Variants in ZNF649 observed in about 807,000 individuals in gnomAD.
ZNF649 encodes zinc finger protein 649.
In ZNF649, 7 loss-of-function variants were observed where a neutral mutation model predicts 14.1. That is an observed-to-expected ratio of 0.49 (90% CI 0.28 to 0.93). The LOEUF is 0.93. ZNF649 is among the 40% of genes least tolerant of loss of function. ZNF649 has a pLI of 0.10. For synonymous variants in ZNF649, 227 were observed against 212.3 expected (o/e 1.07, Z -0.60); for missense variants, 544 against 608.1 (o/e 0.89, Z 1.11).
At chr19:51,894,381 A>C (rs1446869049) in intron 4 of ZNF649, among the ~76,000 whole-genome samples, 1 of 152,122 alleles carries the variant, frequency 6.6e-6, no homozygotes, top group Non-Finnish European at 1.5e-5. Flanking sequence ...TGATCTGCCC[A>C]ACTCGGCCTC....
chr19:51,892,519 A>T (rs2085030882), intron 4 of ZNF649, among the ~76,000 whole-genome samples: 1 of 152,136 alleles, frequency 6.6e-6, no homozygotes, highest in South Asian at 2.1e-4. Context: ...CTCTACAAAA[A>T]CTTTTTTTTT....
chr19:51,891,167 A>G lies in ZNF649; in HGVS notation c.969T>C (p.Cys323=). ...TGCCCTTCTGAATGAAGCCTTTTCC[A>G]CATTCACTGCATGTATGAGGCTTCT... ...TGEKPHTCSE[C]GKGFIQKGNL... is the part of the protein sequence containing the mutation. The change falls in exon 5 of 5, where the codon TGT becomes TGC. Residue 323 remains cysteine (C), a synonymous_variant. Coordinates refer to ENST00000354957, the MANE Select transcript of ZNF649 (RefSeq NM_023074.4). This position sits in a 1 kb window ranked among gnomAD's most constrained non-coding sequence, Gnocchi z 4.2. The G allele has an allele frequency of 6.2e-7, 1 of 1,614,178 alleles. No individual in the cohort carries two copies. The highest frequency in any genetic ancestry group is 2.2e-5 in the East Asian group (1 of 44,888).
chr19:51,892,639 TA>T (rs2085032056), intron 4 of ZNF649, among the ~76,000 whole-genome samples: 1 of 152,216 alleles, frequency 6.6e-6, no homozygotes, highest in African/African-American at 2.4e-5. Context: ...GACTTCATCC[TA>T]ATCCTATTAG....
At position 51,897,902 on chromosome 19, in the gene ZNF649, A is replaced by G. The variant is rs141705983; in HGVS notation, c.16-924T>C. On this transcript the variant is annotated intron_variant, in intron 2 of 4. Coordinates refer to ENST00000354957, the MANE Select transcript of ZNF649 (RefSeq NM_023074.4). ...TTTGGGAGGCAAAGGTGGGCGGATC[A>G]CCCGAGGTCAGGAGTTTGAGACCAG... Among the ~76,000 whole-genome samples, 1,064 of 152,188 alleles carry G rather than the reference A, an allele frequency of 7.0e-3. 11 individuals are homozygous for G. Among genetic ancestry groups the G allele is most frequent in the African/African-American group, 0.025 (1,021 of 41,518 alleles).
chr19:51,897,124 C>G lies in ZNF649; in HGVS notation c.16-146G>C. On this transcript the variant is annotated intron_variant, in intron 2 of 4. Coordinates refer to ENST00000354957, the MANE Select transcript of ZNF649 (RefSeq NM_023074.4). ...AATGGAATGGTTTCAGGATGCCCCA[C>G]ATATACCGAAATTGTGCATACTCAT... 3.5e-6 allele frequency: 4 copies of G among 1,129,336 alleles called. No homozygotes were observed. In the South Asian group the frequency reaches 5.9e-5, roughly 17 times the overall value. The allele number at this position is 1,129,336 out of a possible 1,614,324, so 70.0% of individuals were successfully genotyped here.
intron 2 of ZNF649, 127 bp from the exon 3 acceptor site, chr19:51,897,105 A>G: frequency 1.5e-6 from 2 of 1,364,728 alleles, no homozygotes; most frequent in Non-Finnish European, 2.0e-6. Context: ...ACTCAATGGA[A>G]TGGTTTCAGG....
intron 2 of ZNF649, 74 bp from the exon 3 acceptor site, chr19:51,897,052 T>C: frequency 1.3e-6 from 2 of 1,595,966 alleles, no homozygotes; most frequent in Non-Finnish European, 1.7e-6. Flanking sequence ...GTTCGGCCCA[T>C]TTTCACCACA....
intron 4 of ZNF649, 116 bp from the exon 5 acceptor site, chr19:51,892,013 G>C: frequency 8.5e-7 from 1 of 1,173,196 alleles, no homozygotes; most frequent in Non-Finnish European, 1.2e-6. Flanking sequence ...AACATGGAAG[G>C]AATTCCAAGT....
At chr19:51,897,671 C>T (rs145126416) in intron 2 of ZNF649, among the ~76,000 whole-genome samples, 8 of 152,212 alleles carry the variant, frequency 5.3e-5, no homozygotes, top group South Asian at 2.1e-4. Flanking sequence ...CACATACACA[C>T]GCATGCAGAC....
At chr19:51,896,348 G>C in intron 4 of ZNF649, 124 bp downstream of exon 4, 2 of 770,590 alleles carry the variant, frequency 2.6e-6, no homozygotes, top group Non-Finnish European at 4.4e-6. Flanking sequence ...TGTATCCTAG[G>C]GGAGAAGAAG....
At chr19:51,900,754 G>A (rs1253432183) in intron 1 of ZNF649, among the ~76,000 whole-genome samples, 1 of 152,128 alleles carries the variant, frequency 6.6e-6, no homozygotes, top group Admixed American at 6.5e-5. Context: ...ACAGGTAAAA[G>A]AGAAGGCCAT....
intron 2 of ZNF649, among the ~76,000 whole-genome samples, chr19:51,897,976 G>A (rs1401637320): frequency 6.6e-6 from 1 of 151,632 alleles, no homozygotes; most frequent in East Asian, 1.9e-4. Context: ...ACAAAAATTA[G>A]GTGGGCATGG....
Position 51,891,864 on chromosome 19 carries a change from G to T in ZNF649, c.272C>A (p.Pro91His). Residue 91 changes from proline (P) to histidine (H), a missense_variant, in exon 5 of 5, where the codon CCC becomes CAC. Physicochemically the swap from Pro to His is moderately conservative, Grantham distance 77. Transcript: ENST00000354957. The surrounding 1 kb of genome is among the most constrained non-coding windows in gnomAD (Gnocchi z 4.2). ...IEKADDHLQQ[P>H]LQNQKILKRT... Reference sequence around the variant, plus strand: ...CTTCAGTATTTTTTGGTTTTGCAAGGGCTGCTGCAGATGATCATCAGCTTT... The same window carrying T: ...CTTCAGTATTTTTTGGTTTTGCAAGTGCTGCTGCAGATGATCATCAGCTTT... 1.3e-6 allele frequency: 2 copies of T among 1,574,898 alleles called. No homozygotes were observed. The highest frequency in any genetic ancestry group is 8.6e-7 in the Non-Finnish European group (1 of 1,167,610).
At position 51,890,501 on chromosome 19, in the gene ZNF649, A is replaced by C. The variant is rs1405808253; in HGVS notation, c.*117T>G. Reference sequence around the variant, plus strand: ...TTTATAAGATATAAAAAAGTAAAATATATTTCATATCTTGTAAACCCTACT... The same window carrying C: ...TTTATAAGATATAAAAAAGTAAAATCTATTTCATATCTTGTAAACCCTACT... On this transcript the variant is annotated 3_prime_UTR_variant, in exon 5 of 5. Transcript: ENST00000354957. 6 of 654,038 alleles carry C rather than the reference A, an allele frequency of 9.2e-6. No homozygotes were observed. The highest frequency in any genetic ancestry group is 1.5e-5 in the Non-Finnish European group (6 of 387,530). The allele number at this position is 654,038 out of a possible 1,614,324, so 40.5% of individuals were successfully genotyped here.
chr19:51,896,591 A>G, intron 3 of ZNF649, 24 bp from the exon 4 acceptor site: 1 of 1,610,112 alleles, frequency 6.2e-7, no homozygotes, highest in African/African-American at 1.3e-5. Flanking sequence ...ATGGGAGAAG[A>G]CTTAGGCTCA....
At chr19:51,900,927 A>C (rs1318280629) in intron 1 of ZNF649, among the ~76,000 whole-genome samples, 1 of 152,230 alleles carries the variant, frequency 6.6e-6, no homozygotes, top group Non-Finnish European at 1.5e-5. Context: ...CACAACACTC[A>C]GTCTATAATT....
At chr19:51,903,100 G>A (rs1173818824) in intron 1 of ZNF649, among the ~76,000 whole-genome samples, 1 of 152,090 alleles carries the variant, frequency 6.6e-6, no homozygotes, top group East Asian at 1.9e-4. Context: ...ACAGAGCAAG[G>A]TTTGTAGCAA....
At chr19:51,902,885 A>G (rs1010887073) in intron 1 of ZNF649, among the ~76,000 whole-genome samples, 1 of 152,244 alleles carries the variant, frequency 6.6e-6, no homozygotes, top group African/African-American at 2.4e-5. Flanking sequence ...ACAGAATGCT[A>G]TAAGTAGAAT....
chr19:51,890,841 C>T lies in ZNF649; in HGVS notation c.1295G>A (p.Cys432Tyr), dbSNP rs940040263. 4 of 1,614,226 alleles carry T rather than the reference C, an allele frequency of 2.5e-6. No individual in the cohort carries two copies. The highest frequency in any genetic ancestry group is 3.4e-6 in the Non-Finnish European group (4 of 1,180,054). ...RTHTGERPYG[C>Y]DECEKAYFYM... is the part of the protein sequence containing the mutation. ...GAAGTAAGCTTTCTCACACTCATCA[C>T]AGCCATAGGGTCTCTCTCCCGTGTG... The change falls in exon 5 of 5, where the codon TGT becomes TAT. Residue 432 changes from cysteine to tyrosine, a missense_variant. Transcript: ENST00000354957.
Sources: gnomAD v4.1 joint callset for allele counts (sites outside exome capture counted in the v4.1 genomes callset) on GRCh38, gnomAD v4.1.1 for gene constraint, Gnocchi (gnomAD v3.1) non-coding constraint, MANE v1.5 for transcripts, NCBI Gene and HGNC (gene_info 2026-07-23, HGNC 2026-07-21) for gene names.